The following ABCB1 variants were observed in gnomAD, a reference collection of about 807,000 sequenced individuals.
ABCB1 encodes ATP binding cassette subfamily B member 1.
Under a neutral mutation model 142.0 loss-of-function variants are expected in ABCB1, and 69 were observed. The observed-to-expected ratio is 0.49, with a 90% confidence interval of 0.40 to 0.59. The LOEUF (loss-of-function observed/expected upper bound fraction) is 0.59. Among genes scored for constraint, ABCB1 ranks in the 20% least tolerant of loss-of-function variants. The pLI is 0.00. For missense variants in ABCB1, 1,326 were observed against 1,554.7 expected, an observed-to-expected ratio of 0.85 and a Z score of 2.47; for synonymous variants, 532 against 539.2, an observed-to-expected ratio of 0.99 and a Z score of 0.18.
intron 1 of ABCB1, among the ~76,000 whole-genome samples, chr7:87,666,762 T>C (rs548354861): frequency 1.3e-5 from 2 of 152,300 alleles, no homozygotes; most frequent in Non-Finnish European, 2.9e-5. Flanking sequence ...CCCCATTGCT[T>C]GTTTTTGTCA....
intron 20 of ABCB1, among the ~76,000 whole-genome samples, chr7:87,533,161 A>T (rs1167286835): frequency 2.0e-5 from 3 of 152,134 alleles, no homozygotes; most frequent in Admixed American, 1.3e-4. Flanking sequence ...AGCTCTCTGC[A>T]TTTCACATCT....
At chr7:87,596,144 A>T (rs928248796) in intron 2 of ABCB1, among the ~76,000 whole-genome samples, 6 of 152,078 alleles carry the variant, frequency 3.9e-5, no homozygotes, top group African/African-American at 1.4e-4. Context: ...CATACTGAAA[A>T]GAGTTCCCTG....
chr7:87,641,058 C>T lies in ABCB1; in HGVS notation c.-330-39980G>A, dbSNP rs550847248. Among the ~76,000 whole-genome samples, 128 of 152,114 alleles carry T rather than the reference C, an allele frequency of 8.4e-4. 1 individual carries two copies. The highest frequency in any genetic ancestry group is 9.7e-4 in the Non-Finnish European group (66 of 67,984). On this transcript the variant is annotated intron_variant, in intron 1 of 28. Transcript: ENST00000265724. ...TTTTCTCTCTTACTCCTTTCTTTGT[C>T]ATGTATGTTCTATCTTTTGTCACAT...
intron 24 of ABCB1, among the ~76,000 whole-genome samples, chr7:87,516,291 A>G (rs1471081191): frequency 1.3e-5 from 2 of 152,234 alleles, no homozygotes; most frequent in Non-Finnish European, 1.5e-5. Context: ...GGTTTTGCTT[A>G]TAAAGTGAGC....
chr7:87,660,713 A>T (rs1431676797), intron 1 of ABCB1, among the ~76,000 whole-genome samples: 1 of 151,680 alleles, frequency 6.6e-6, no homozygotes, highest in Non-Finnish European at 1.5e-5. Context: ...TAATTTTCAA[A>T]TTTTTCTCCA....
In ABCB1 at chr7:87,573,902, A is replaced by T. The variant is rs576411925; in HGVS notation, c.287-3679T>A. ...GAAGAAACCTACACGATATATATATATAAAATGTTCCCAAAGCCTATGCCT... is the reference window on the plus strand; with the variant it reads ...GAAGAAACCTACACGATATATATATTTAAAATGTTCCCAAAGCCTATGCCT... On this transcript the variant is annotated intron_variant, in intron 4 of 27. Transcript: ENST00000622132. Among the ~76,000 whole-genome samples, 10 of 152,344 alleles carry T rather than the reference A, an allele frequency of 6.6e-5. No homozygotes were observed. In the South Asian group the frequency reaches 1.2e-3, roughly 19 times the overall value.
At chr7:87,639,012 C>T (rs1822145427) in intron 1 of ABCB1, among the ~76,000 whole-genome samples, 2 of 151,960 alleles carry the variant, frequency 1.3e-5, no homozygotes, top group Non-Finnish European at 2.9e-5. Context: ...ATTAGCCAGG[C>T]GTGATGGCAG....
At chr7:87,626,922 C>T (rs376239354) in intron 1 of ABCB1, among the ~76,000 whole-genome samples, 1 of 151,912 alleles carries the variant, frequency 6.6e-6, no homozygotes, top group African/African-American at 2.4e-5. Flanking sequence ...ACTACAGGCG[C>T]GTGCCACCAC....
chr7:87,633,662 T>A (rs1327662904), intron 1 of ABCB1, among the ~76,000 whole-genome samples: 1 of 151,990 alleles, frequency 6.6e-6, no homozygotes, highest in Non-Finnish European at 1.5e-5. Flanking sequence ...ACTTATCAGG[T>A]GTTTAATTTT....
intron 1 of ABCB1, among the ~76,000 whole-genome samples, chr7:87,698,032 A>T (rs1481837150): frequency 1.3e-5 from 2 of 152,334 alleles, no homozygotes; most frequent in East Asian, 3.9e-4. Context: ...AAAGTGATGG[A>T]GAGAGATTAA....
At chr7:87,601,835 A>G (rs1819467869), upstream of ABCB1, among the ~76,000 whole-genome samples, 1 of 152,206 alleles carries the variant, frequency 6.6e-6, no homozygotes, top group Non-Finnish European at 1.5e-5. Context: ...GAAGAAAATC[A>G]CTTTGTTTTT....
intron 21 of ABCB1, among the ~76,000 whole-genome samples, chr7:87,529,660 A>G (rs1465167337): frequency 6.6e-6 from 1 of 152,246 alleles, no homozygotes; most frequent in Admixed American, 6.5e-5. Flanking sequence ...CCTAAAAGCA[A>G]TCTAAGACTC....
rs748441983 is a variant in ABCB1, at chr7:87,516,491, T to A, written c.3084+18A>T. 4.0e-5 allele frequency: 64 copies of A among 1,614,010 alleles called. No homozygotes were observed. Among genetic ancestry groups the A allele is most frequent in the Non-Finnish European group, 4.2e-5 (49 of 1,179,990 alleles). On this transcript the variant is annotated intron_variant, in intron 24 of 27. Transcript: ENST00000622132. ...CAGGAGTCAGGAGTAGATCAAACAG[T>A]TGAAACATCAAACTCACCGGCATTA...
At position 87,561,243 on chromosome 7, in the gene ABCB1, T is replaced by C; in HGVS notation, c.827+20A>G. 1.9e-6 allele frequency: 3 copies of C among 1,613,284 alleles called. No individual in the cohort carries two copies. The highest frequency in any genetic ancestry group is 2.5e-6 in the Non-Finnish European group (3 of 1,179,604). Reference sequence around the variant, plus strand: ...AGACAGAATTTAACATATCTATCCATTTAAAAAAGAAACTCAAACCTTTCA... The same window carrying C: ...AGACAGAATTTAACATATCTATCCACTTAAAAAAGAAACTCAAACCTTTCA... On this transcript the variant is annotated intron_variant, in intron 8 of 27. Transcript: ENST00000622132.
At chr7:87,682,272 T>C (rs1302917611) in intron 1 of ABCB1, among the ~76,000 whole-genome samples, 4 of 152,170 alleles carry the variant, frequency 2.6e-5, no homozygotes, top group Admixed American at 2.6e-4. Context: ...TCCATGAGAG[T>C]TGGAATCAAC....
In ABCB1 at chr7:87,566,243, T is replaced by C. The variant is rs776202744; in HGVS notation, c.531-2A>G. 10 of 1,613,550 alleles carry C rather than the reference T, an allele frequency of 6.2e-6. No homozygotes were observed. Among genetic ancestry groups the C allele is most frequent in the Non-Finnish European group, 7.6e-6 (9 of 1,179,584 alleles). On this transcript the variant is annotated splice_acceptor_variant, in intron 6 of 27. Transcript: ENST00000622132. LOFTEE classifies it high-confidence loss of function. ...CCTTCATTAATCTTGGAGACATCACTGAAAGAACAGATAGTGTTAGAAATA... is the reference window on the plus strand; with the variant it reads ...CCTTCATTAATCTTGGAGACATCACCGAAAGAACAGATAGTGTTAGAAATA...
intron 19 of ABCB1, among the ~76,000 whole-genome samples, chr7:87,536,826 A>C (rs1161879093): frequency 1.3e-5 from 2 of 152,224 alleles, no homozygotes; most frequent in Non-Finnish European, 2.9e-5. Flanking sequence ...TGAAGTTTAG[A>C]TTCTAGAGAT....
chr7:87,592,744 T>G (rs1819044625), intron 3 of ABCB1, among the ~76,000 whole-genome samples: 1 of 152,138 alleles, frequency 6.6e-6, no homozygotes, highest in African/African-American at 2.4e-5. Context: ...GGTACTTATG[T>G]CCCTATATGA....
chr7:87,581,982 TG>T (rs758003847), intron 4 of ABCB1, among the ~76,000 whole-genome samples: 4 of 152,194 alleles, frequency 2.6e-5, no homozygotes, highest in Non-Finnish European at 4.4e-5. Flanking sequence ...CCCTCATCTC[TG>T]GGACAAGCAT....
Sources: gnomAD v4.1 joint callset for allele counts (sites outside exome capture counted in the v4.1 genomes callset) on GRCh38, gnomAD v4.1.1 for gene constraint, MANE v1.5 for transcripts, NCBI Gene and HGNC (gene_info 2026-07-23, HGNC 2026-07-21) for gene names.